Variants in CACNA1C observed in about 807,000 individuals in gnomAD.
CACNA1C encodes the protein voltage-dependent L-type calcium channel subunit alpha-1C.
In CACNA1C, 30 loss-of-function variants were observed where a neutral mutation model predicts 229.0. The ratio of observed to expected loss-of-function variants is 0.13; its 90% CI spans 0.10 to 0.18. CACNA1C has a LOEUF of 0.18. Among genes scored for constraint, CACNA1C ranks in the 10% least tolerant of loss-of-function variants. CACNA1C has a pLI of 1.00. For missense variants in CACNA1C, 1,658 were observed against 2,845.0 expected (o/e 0.58, Z 9.49); for synonymous variants, 1,114 against 1,132.5 (o/e 0.98, Z 0.33).
chr12:2,462,428 C>A (rs542771399), intron 5 of CACNA1C, among the ~76,000 whole-genome samples: 1 of 152,340 alleles, frequency 6.6e-6, no homozygotes, highest in South Asian at 2.1e-4. Context: ...CTTCCCTGCT[C>A]CATTTCCCCA....
intron 3 of CACNA1C, among the ~76,000 whole-genome samples, chr12:2,323,876 C>T (rs540923897): frequency 6.6e-6 from 1 of 152,174 alleles, no homozygotes; most frequent in Admixed American, 6.5e-5. Context: ...GGAATCAGAA[C>T]CTCCCCCTGG....
intron 9 of CACNA1C, among the ~76,000 whole-genome samples, chr12:2,541,863 G>A (rs1487167785): frequency 2.0e-5 from 3 of 152,154 alleles, no homozygotes; most frequent in Admixed American, 6.5e-5. Flanking sequence ...GTTTCATCTC[G>A]CCCCACATCC....
At chr12:2,097,201 A>C (rs1595742226) in intron 1 of CACNA1C, among the ~76,000 whole-genome samples, 1 of 152,116 alleles carries the variant, frequency 6.6e-6, no homozygotes, top group African/African-American at 2.4e-5. Flanking sequence ...GCTGGAGTGC[A>C]GTGGCGCGAT....
chr12:2,390,535 A>G (rs1391992257), intron 3 of CACNA1C, among the ~76,000 whole-genome samples: 1 of 152,216 alleles, frequency 6.6e-6, no homozygotes, highest in African/African-American at 2.4e-5. Flanking sequence ...TCTGTGTGAT[A>G]AGTTTTGATT....
In CACNA1C at chr12:2,651,816, C is replaced by A. The variant is rs529177095; in HGVS notation, c.4074+48C>A. The stretch of plus-strand genomic sequence containing the variant: ...GGCCCGGGGAATCGCAGGGCTGCCG[C>A]GTGGCCCAGAACACAGCTGACACAA... On this transcript the variant is annotated intron_variant, in intron 32 of 46. Transcript: ENST00000399655. This position sits in a 1 kb window ranked among gnomAD's most constrained non-coding sequence, Gnocchi z 5.4. 2 of 1,472,164 alleles carry A rather than the reference C, an allele frequency of 1.4e-6. No homozygotes were observed. The highest frequency in any genetic ancestry group is 1.4e-5 in the African/African-American group (1 of 72,548). 91.2% of individuals were successfully genotyped at this position (1,472,164 alleles called of 1,614,324 possible). A position where few individuals can be genotyped will look rare whatever the true frequency, so the allele number is the denominator to read the frequency against.
At chr12:2,435,842 C>T (rs905242113) in intron 3 of CACNA1C, among the ~76,000 whole-genome samples, 11 of 152,208 alleles carry the variant, frequency 7.2e-5, no homozygotes, top group Non-Finnish European at 1.2e-4. Flanking sequence ...AGGTCTTGCA[C>T]GCTTGCTGAA....
rs200283756 is a variant in CACNA1C, at chr12:2,682,583, G to A, written c.5478G>A (p.Ala1826=). 2.4e-4 allele frequency: 382 copies of A among 1,612,498 alleles called. No homozygotes were observed. Among genetic ancestry groups the A allele is most frequent in the Middle Eastern group, 1.5e-3 (9 of 6,056 alleles). ...CHSRESQAAM[A]GQEETSQDET... ...CCCGGGAGAGCCAGGCAGCCATGGC[G>A]GGTCAGGAGGAGACGTCTCAGGATG... The change falls in exon 43 of 47, where the codon GCG becomes GCA. Residue 1826 remains alanine, a synonymous_variant. Coordinates refer to ENST00000399655, the MANE Select transcript of CACNA1C (RefSeq NM_000719.7).
chr12:2,208,769 T>C (rs1232554924), intron 3 of CACNA1C, among the ~76,000 whole-genome samples: 2 of 152,182 alleles, frequency 1.3e-5, no homozygotes, highest in Non-Finnish European at 2.9e-5. Flanking sequence ...ATCCATCCTC[T>C]TTTGTCCCAA....
chr12:2,554,369 C>T (rs2042922633), intron 10 of CACNA1C, among the ~76,000 whole-genome samples: 1 of 152,186 alleles, frequency 6.6e-6, no homozygotes, highest in African/African-American at 2.4e-5. Context: ...GCCTTCTCTC[C>T]CTCCTCGCTC....
chr12:2,655,035 C>A, intron 33 of CACNA1C, 112 bp from the exon 34 acceptor site: 1 of 706,664 alleles, frequency 1.4e-6, no homozygotes, highest in Non-Finnish European at 2.5e-6. Flanking sequence ...CAGCTTGTGG[C>A]AGCCAGTTCC....
At chr12:2,087,886 A>G (rs984235172) in intron 1 of CACNA1C, among the ~76,000 whole-genome samples, 2 of 152,202 alleles carry the variant, frequency 1.3e-5, no homozygotes, top group African/African-American at 4.8e-5. Context: ...GTCTCTGGGT[A>G]ATGGTTCCGG....
rs2087400542 is a variant in CACNA1C at position 2,275,469 on chromosome 12, T to C, written c.477+155039T>C. 6.6e-6 allele frequency among the ~76,000 whole-genome samples: 1 copy of C among 152,148 alleles called. No individual in the cohort carries two copies. Among genetic ancestry groups the C allele is most frequent in the Non-Finnish European group, 1.5e-5 (1 of 68,026 alleles). On this transcript the variant is annotated intron_variant, in intron 3 of 46. Coordinates refer to ENST00000399655, the MANE Select transcript of CACNA1C (RefSeq NM_000719.7). This position sits in a 1 kb window ranked among gnomAD's most constrained non-coding sequence, Gnocchi z 4.1. ...GCTCTGTGCATGTGACCTAGCTCTC[T>C]CCTGGCCCCCTGTTCCATCCCACAT...
chr12:2,040,450 T>A (rs1204354383), intron 1 of CACNA1C, among the ~76,000 whole-genome samples: 1 of 152,168 alleles, frequency 6.6e-6, no homozygotes. Flanking sequence ...TGGATAAAAT[T>A]GTTGAGATTT....
rs543690850 is a variant in CACNA1C, at chr12:2,556,801, T to C, written c.1482-150T>C. 5.9e-5 allele frequency: 42 copies of C among 715,752 alleles called. No homozygotes were observed. In the South Asian group the frequency reaches 6.1e-4, roughly 10 times the overall value. 44.3% of individuals were successfully genotyped at this position (715,752 alleles called of 1,614,324 possible). A position where few individuals can be genotyped will look rare whatever the true frequency, so the allele number is the denominator to read the frequency against. The stretch of plus-strand genomic sequence containing the variant: ...TCAAATACATAAATAGGGTTCTTTC[T>C]CTCCCAAGATGTTCTAGTTCACACC... On this transcript the variant is annotated intron_variant, in intron 10 of 46. Transcript: ENST00000399655.
intron 18 of CACNA1C, among the ~76,000 whole-genome samples, chr12:2,592,294 A>G (rs2065754315): frequency 6.6e-6 from 1 of 152,236 alleles, no homozygotes; most frequent in South Asian, 2.1e-4. Context: ...AGCGGCTGCT[A>G]TGTGCCAGGC....
rs549195539 is a variant in CACNA1C, at chr12:2,192,478, C to T, written c.477+72048C>T. ...GCTCACGTGGGATGGACCCTGTCTCCTTCCACAGGGAGAGGGGCAGTAAAG... is the reference window on the plus strand; with the variant it reads ...GCTCACGTGGGATGGACCCTGTCTCTTTCCACAGGGAGAGGGGCAGTAAAG... On this transcript the variant is annotated intron_variant, in intron 3 of 46. Coordinates refer to ENST00000399655, the MANE Select transcript of CACNA1C (RefSeq NM_000719.7). Among the ~76,000 whole-genome samples, 11 of 152,374 alleles carry T rather than the reference C, an allele frequency of 7.2e-5. No homozygotes were observed. In the South Asian group the frequency reaches 2.1e-3, roughly 29 times the overall value.
chr12:2,511,156 C>G (rs2099782863), intron 8 of CACNA1C, among the ~76,000 whole-genome samples: 1 of 152,124 alleles, frequency 6.6e-6, no homozygotes, highest in Non-Finnish European at 1.5e-5. Flanking sequence ...AAATTCAATC[C>G]AAACCAGAGC....
At chr12:2,587,557 T>G (rs878925701) in intron 18 of CACNA1C, among the ~76,000 whole-genome samples, 1 of 152,230 alleles carries the variant, frequency 6.6e-6, no homozygotes, top group Admixed American at 6.5e-5. Flanking sequence ...TCTTGGCTTT[T>G]CTTTTCTTTG....
chr12:2,234,380 G>T lies in CACNA1C; in HGVS notation c.477+113950G>T, dbSNP rs1013946549. Among the ~76,000 whole-genome samples, 15 of 152,364 alleles carry T rather than the reference G, an allele frequency of 9.8e-5. No homozygotes were observed. The South Asian group carries it at 3.1e-3, about 32-fold the overall frequency. On this transcript the variant is annotated intron_variant, in intron 3 of 46. Coordinates refer to ENST00000399655, the MANE Select transcript of CACNA1C (RefSeq NM_000719.7). ...AGAGGAAGGGAACACTCAAGCTGTG[G>T]TGAGTTGATTGCCAGGCACTCTGTG...
Sources: allele counts gnomAD v4.1 joint callset (sites outside exome capture counted in the v4.1 genomes callset), GRCh38; gene constraint gnomAD v4.1.1; non-coding constraint Gnocchi (gnomAD v3.1); transcripts MANE v1.5; gene names NCBI Gene and HGNC (gene_info 2026-07-23, HGNC 2026-07-21).